Variants in SMIM14 observed in about 807,000 individuals in gnomAD.
SMIM14 encodes chromosome 4 open reading frame 34.
In SMIM14, 5 loss-of-function variants were observed where a neutral mutation model predicts 12.6. That is an observed-to-expected ratio of 0.40 (90% CI 0.21 to 0.83). SMIM14 has a LOEUF of 0.83. SMIM14 is among the 40% of genes least tolerant of loss of function. The probability of loss-of-function intolerance (pLI) is 0.37; values close to 1 mark genes in which losing one functional copy is unlikely to be tolerated. For missense variants in SMIM14, 86 were observed against 119.1 expected, an observed-to-expected ratio of 0.72 and a Z score of 1.29; for synonymous variants, 30 against 40.1, an observed-to-expected ratio of 0.75 and a Z score of 0.95.
At chr4:39,576,684 ATTTTTTTTTTTTTTTTTTTTTTTT>A (rs574142564) in intron 2 of SMIM14, among the ~76,000 whole-genome samples, 2 of 25,544 alleles carry the variant, frequency 7.8e-5, no homozygotes, top group African/African-American at 3.1e-4. Context: ...ATATATATAT[ATTTTTTTTTTTTTTTTTTTTTTTT>A]TTTTTTTTTT....
chr4:39,636,638 T>C (rs986778160), intron 1 of SMIM14, among the ~76,000 whole-genome samples: 27 of 152,092 alleles, frequency 1.8e-4, no homozygotes, highest in African/African-American at 6.5e-4. Flanking sequence ...CTTAGGAGTT[T>C]GAGACCAGCC....
chr4:39,553,883 C>T lies in SMIM14; in HGVS notation c.268-1725G>A, dbSNP rs532767700. On this transcript the variant is annotated intron_variant, in intron 4 of 4. Transcript: ENST00000295958. ...TGCTGGGATTACAGGTGAGAGCCAC[C>T]GCGCCTGGTCTATAATGCCTTCTTT... Among the ~76,000 whole-genome samples the T allele has an allele frequency of 3.8e-4, 58 of 152,192 alleles. 1 individual carries two copies. Among genetic ancestry groups the T allele is most frequent in the African/African-American group, 1.3e-3 (52 of 41,500 alleles).
chr4:39,552,069 TC>T lies in SMIM14; in HGVS notation c.*56del. 1 of 1,450,998 alleles carries T rather than the reference TC, an allele frequency of 6.9e-7. No homozygotes were observed. The highest frequency in any genetic ancestry group is 9.4e-7 in the Non-Finnish European group (1 of 1,059,972). The allele number at this position is 1,450,998 out of a possible 1,614,324, so 89.9% of individuals were successfully genotyped here. A position where few individuals can be genotyped will look rare whatever the true frequency, so the allele number is the denominator to read the frequency against. On this transcript the variant is annotated 3_prime_UTR_variant, in exon 5 of 5. Coordinates refer to ENST00000295958, the MANE Select transcript of SMIM14 (RefSeq NM_174921.3). ...AATGGGGTTAAGAGTACTCTGGTCATCTTCGTTCGTTTGGTCGTGCAAGGTG... is the reference window on the plus strand; with the variant it reads ...AATGGGGTTAAGAGTACTCTGGTCATTTCGTTCGTTTGGTCGTGCAAGGTG...
chr4:39,592,621 T>C (rs1254401412), intron 2 of SMIM14: 1 of 152,150 alleles, frequency 6.6e-6, no homozygotes, highest in Admixed American at 6.6e-5. Flanking sequence ...GTAGTGTACA[T>C]TTTCTTTTCA....
chr4:39,634,441 T>C (rs1015547017), intron 1 of SMIM14, among the ~76,000 whole-genome samples: 1 of 152,226 alleles, frequency 6.6e-6, no homozygotes, highest in African/African-American at 2.4e-5. Context: ...GGGTTTCAAA[T>C]TCAAGTTTCT....
intron 2 of SMIM14, among the ~76,000 whole-genome samples, chr4:39,602,299 T>C (rs1197741191): frequency 6.7e-6 from 1 of 148,516 alleles, no homozygotes; most frequent in East Asian, 2.0e-4. Flanking sequence ...AAAAGCCTAT[T>C]AGAAAAGAAT....
At chr4:39,599,653 G>A (rs1714519590) in intron 2 of SMIM14, among the ~76,000 whole-genome samples, 1 of 152,196 alleles carries the variant, frequency 6.6e-6, no homozygotes, top group African/African-American at 2.4e-5. Flanking sequence ...GCTGGGCACA[G>A]TGGCTCACAC....
chr4:39,564,618 G>A (rs890405774), intron 3 of SMIM14, among the ~76,000 whole-genome samples: 6 of 152,068 alleles, frequency 3.9e-5, no homozygotes, highest in South Asian at 2.1e-4. Context: ...TCAGATTAGC[G>A]TTTTTTAGAT....
At chr4:39,575,223 G>C (rs941484358) in intron 2 of SMIM14, among the ~76,000 whole-genome samples, 1 of 151,104 alleles carries the variant, frequency 6.6e-6, no homozygotes, top group African/African-American at 2.4e-5. Context: ...TGTATTTTTT[G>C]GTAGAGATGG....
chr4:39,552,042 C>A lies in SMIM14; in HGVS notation c.*84G>T. ...TGCAGATACAAAAGGAAAAACAGTT[C>A]TAATGGGGTTAAGAGTACTCTGGTC... is the stretch of plus-strand genomic sequence containing the variant. On this transcript the variant is annotated 3_prime_UTR_variant, in exon 5 of 5. Coordinates refer to ENST00000295958, the MANE Select transcript of SMIM14 (RefSeq NM_174921.3). The A allele has an allele frequency of 8.9e-7, 1 of 1,120,066 alleles. No individual in the cohort carries two copies. Among genetic ancestry groups the A allele is most frequent in the Non-Finnish European group, 1.3e-6 (1 of 785,688 alleles). The allele number at this position is 1,120,066 out of a possible 1,614,324, so 69.4% of individuals were successfully genotyped here. A position where few individuals can be genotyped will look rare whatever the true frequency, so the allele number is the denominator to read the frequency against.
At chr4:39,607,031 G>A (rs144738455) in intron 1 of SMIM14, among the ~76,000 whole-genome samples, 1 of 152,082 alleles carries the variant, frequency 6.6e-6, no homozygotes, top group Admixed American at 6.6e-5. Flanking sequence ...TAGAAAAAGG[G>A]GTGGATAAAC....
chr4:39,636,412 C>T (rs868513926), intron 1 of SMIM14, among the ~76,000 whole-genome samples: 1 of 152,150 alleles, frequency 6.6e-6, no homozygotes, highest in Non-Finnish European at 1.5e-5. Context: ...CTTTGCCACA[C>T]AATGCATATT....
intron 2 of SMIM14, among the ~76,000 whole-genome samples, chr4:39,578,474 A>G (rs1305470154): frequency 6.6e-6 from 1 of 152,214 alleles, no homozygotes; most frequent in Non-Finnish European, 1.5e-5. Context: ...TTAGAGAAAA[A>G]CCAAAGATAA....
intron 2 of SMIM14, among the ~76,000 whole-genome samples, chr4:39,576,674 ATATATATATATTTTTTTTTTTT>A (rs1713195589): frequency 7.1e-5 from 2 of 28,216 alleles, no homozygotes; most frequent in African/African-American, 2.2e-4. Flanking sequence ...ATATATATAT[ATATATATATATTTTTTTTTTTT>A]TTTTTTTTTT....
chr4:39,571,525 A>G (rs1248563857), intron 3 of SMIM14, among the ~76,000 whole-genome samples: 3 of 152,024 alleles, frequency 2.0e-5, no homozygotes, highest in Non-Finnish European at 4.4e-5. Flanking sequence ...GGCTGCAGTG[A>G]GCCATGATCG....
chr4:39,555,857 G>A (rs1446502933), intron 4 of SMIM14, among the ~76,000 whole-genome samples: 1 of 152,188 alleles, frequency 6.6e-6, no homozygotes, highest in Non-Finnish European at 1.5e-5. Context: ...GAGAGGCAAG[G>A]GATCAACTGT....
intron 3 of SMIM14, among the ~76,000 whole-genome samples, chr4:39,562,537 G>A (rs1335173296): frequency 6.6e-6 from 1 of 152,106 alleles, no homozygotes; most frequent in Non-Finnish European, 1.5e-5. Flanking sequence ...CTCCCAGGCT[G>A]GAGTGCAGTG....
At chr4:39,591,317 T>C (rs1414182777) in intron 2 of SMIM14, among the ~76,000 whole-genome samples, 1 of 152,000 alleles carries the variant, frequency 6.6e-6, no homozygotes, top group Non-Finnish European at 1.5e-5. Flanking sequence ...TGATATGAGA[T>C]AATACCTCAA....
intron 1 of SMIM14, among the ~76,000 whole-genome samples, chr4:39,619,075 G>C (rs931077392): frequency 6.6e-6 from 1 of 151,752 alleles, no homozygotes; most frequent in Non-Finnish European, 1.5e-5. Context: ...GGGTAAGACA[G>C]GGTTTAGATA....
Sources: gnomAD v4.1 joint callset for allele counts (sites outside exome capture counted in the v4.1 genomes callset) on GRCh38, gnomAD v4.1.1 for gene constraint, MANE v1.5 for transcripts, NCBI Gene and HGNC (gene_info 2026-07-23, HGNC 2026-07-21) for gene names.